FAM83A: variants seen among roughly 807,000 people sequenced by gnomAD.
FAM83A encodes scaffolding CK1 anchoring protein A, also known as protein FAM83A.
A neutral mutation model predicts 24.4 loss-of-function variants in FAM83A; 21 were observed. That is an observed-to-expected ratio of 0.86 (90% confidence interval 0.61 to 1.24). FAM83A has a LOEUF of 1.24. Among genes scored for constraint, FAM83A ranks in the 50% most tolerant of loss-of-function variants. The pLI is 0.00. For synonymous variants in FAM83A, 270 were observed against 252.4 expected (o/e 1.07, Z -0.66); for missense variants, 617 against 579.8 (o/e 1.06, Z -0.66).
intron 1 of FAM83A, among the ~76,000 whole-genome samples, chr8:123,187,460 G>A (rs1013838302): frequency 2.6e-5 from 4 of 152,172 alleles, no homozygotes; most frequent in Non-Finnish European, 5.9e-5. Flanking sequence ...TCAGAGATTT[G>A]CAAAAACGCA....
chr8:123,207,233 G>C lies in FAM83A; in HGVS notation c.850G>C (p.Glu284Gln), dbSNP rs370437311. The C allele has an allele frequency of 3.1e-6, 5 of 1,612,318 alleles. No individual in the cohort carries two copies. Among genetic ancestry groups the C allele is most frequent in the Admixed American group, 1.7e-5 (1 of 59,778 alleles). Residue 284 changes from glutamate to glutamine, a missense_variant, in exon 4 of 4, where the codon GAG (glutamate) becomes CAG (glutamine). Coordinates refer to ENST00000690554, the Ensembl canonical transcript of FAM83A. ...AGGCCAGGCGGTGGAGCTGTTTGAC[G>C]AGGAGTTCCGCCACCTCTACGCCTC...
rs144230066 is a variant in FAM83A, at chr8:123,195,905, A to G, written c.773+1757A>G. Among the ~76,000 whole-genome samples, 602 of 152,350 alleles carry G rather than the reference A, an allele frequency of 4.0e-3. 4 individuals carry two copies. Among genetic ancestry groups the G allele is most frequent in the African/African-American group, 0.014 (576 of 41,576 alleles). ...TTAGGATTTCAAATATGAATCTGGA[A>G]CAGAAACAGACATTCAGTCTACAGC... On this transcript the variant is annotated intron_variant, in intron 3 of 3. Coordinates refer to ENST00000690554, the Ensembl canonical transcript of FAM83A.
At chr8:123,206,884 G>T (rs1348934734) in intron 3 of FAM83A, among the ~76,000 whole-genome samples, 3 of 152,024 alleles carry the variant, frequency 2.0e-5, no homozygotes, top group Non-Finnish European at 4.4e-5. Flanking sequence ...GGATCTTGGG[G>T]CCTGGGCCGG....
intron 3 of FAM83A, among the ~76,000 whole-genome samples, chr8:123,200,586 C>T (rs1203762710): frequency 2.6e-5 from 4 of 151,628 alleles, no homozygotes. Flanking sequence ...GGAGGCTGAG[C>T]GGGGTGGGTC....
At chr8:123,208,866 AG>A in exon 4 of FAM83A, 9 of 956,018 alleles carry the variant, frequency 9.4e-6, no homozygotes, top group Non-Finnish European at 1.1e-5. Flanking sequence ...AATTAGGCTG[AG>A]ACAGGAGAAT....
chr8:123,179,312 C>G, upstream of FAM83A: 1 of 152,160 alleles, frequency 6.6e-6, no homozygotes, highest in East Asian at 1.9e-4. Context: ...ATCATGGGAG[C>G]GGGTTTGTTA....
rs534625803 is a variant in FAM83A, at chr8:123,193,710, G to A, written c.649-314G>A. Among the ~76,000 whole-genome samples the A allele has an allele frequency of 6.6e-5, 10 of 152,326 alleles. No individual in the cohort carries two copies. In the South Asian group the frequency reaches 1.0e-3, roughly 16 times the overall value. The stretch of plus-strand genomic sequence containing the variant: ...AGAGGCTGGGAACTCCAAGATCAAC[G>A]TTCTGGCAGATTCGGCGTCTGGTGA... On this transcript the variant is annotated intron_variant, in intron 2 of 3. Transcript: ENST00000690554.
chr8:123,197,573 T>C (rs1824200180), intron 3 of FAM83A, among the ~76,000 whole-genome samples: 1 of 152,198 alleles, frequency 6.6e-6, no homozygotes, highest in South Asian at 2.1e-4. Flanking sequence ...CACCAATCAA[T>C]AGACATTGGG....
chr8:123,193,959 C>T lies in FAM83A; in HGVS notation c.649-65C>T, dbSNP rs542053129. 6.3e-5 allele frequency: 101 copies of T among 1,596,246 alleles called. 3 individuals are homozygous for T. In the South Asian group the frequency reaches 1.1e-3, roughly 18 times the overall value. Reference sequence around the variant, plus strand: ...GGTAAAGGGAACATAAACATCCAGCCTAAAGCCCAAATGTATCTCTATAAA... The same window carrying T: ...GGTAAAGGGAACATAAACATCCAGCTTAAAGCCCAAATGTATCTCTATAAA... On this transcript the variant is annotated intron_variant, in intron 2 of 3. Transcript: ENST00000690554.
chr8:123,188,260 G>A (rs572893409), intron 1 of FAM83A, among the ~76,000 whole-genome samples: 8 of 151,882 alleles, frequency 5.3e-5, no homozygotes, highest in African/African-American at 1.2e-4. Flanking sequence ...CTCTTCTCTC[G>A]GTGCTTCTTT....
exon 4 of FAM83A, chr8:123,207,899 C>T: frequency 7.6e-7 from 1 of 1,309,124 alleles, no homozygotes; most frequent in South Asian, 2.6e-5. Context: ...ACCTGTGCAG[C>T]ACATTCCAGA....
intron 1 of FAM83A, 24 bp from the exon 2 acceptor site, chr8:123,191,779 A>G (rs1443069478): frequency 6.2e-7 from 1 of 1,611,480 alleles, no homozygotes; most frequent in South Asian, 1.1e-5. Context: ...CTTTCTGGTA[A>G]CTGAGCACTC....
intron 1 of FAM83A, among the ~76,000 whole-genome samples, chr8:123,189,043 C>T (rs1823892143): frequency 6.6e-6 from 1 of 152,176 alleles, no homozygotes; most frequent in Admixed American, 6.5e-5. Flanking sequence ...ACTTACTGAC[C>T]TATCAGGGAG....
chr8:123,183,457 A>G, intron 1 of FAM83A, 121 bp downstream of exon 1: 3 of 1,425,802 alleles, frequency 2.1e-6, no homozygotes, highest in Non-Finnish European at 2.8e-6. Flanking sequence ...GGGGCTTCGG[A>G]TGGAGGGGCT....
intron 3 of FAM83A, among the ~76,000 whole-genome samples, chr8:123,204,096 T>C (rs976631166): frequency 1.3e-5 from 2 of 152,106 alleles, no homozygotes; most frequent in African/African-American, 4.8e-5. Context: ...AGGGACCCTA[T>C]GGCTAGATGT....
At chr8:123,183,262 A>G (rs1370936001) in exon 1 of FAM83A, 2 of 1,613,294 alleles carry the variant, frequency 1.2e-6, no homozygotes, top group Non-Finnish European at 1.7e-6. Flanking sequence ...ATCCAGCGCC[A>G]CTGTGTACTT....
At chr8:123,207,315 G>T (rs1824588525) in exon 4 of FAM83A, 7 of 1,610,808 alleles carry the variant, frequency 4.3e-6, no homozygotes, top group Non-Finnish European at 5.9e-6. Flanking sequence ...GTCCCGCCCG[G>T]AGCAGCCCCG....
chr8:123,187,222 A>G (rs533284301), intron 1 of FAM83A, among the ~76,000 whole-genome samples: 20 of 152,308 alleles, frequency 1.3e-4, no homozygotes, highest in African/African-American at 4.3e-4. Flanking sequence ...GGGTGAAGAC[A>G]GGAATAGAGG....
upstream of FAM83A, chr8:123,179,501 C>T (rs1036544512): frequency 3.3e-5 from 5 of 152,176 alleles, no homozygotes; most frequent in African/African-American, 1.2e-4. Context: ...CCTGTTAGAG[C>T]AGCATAAATG....
Sources: gnomAD v4.1 joint callset for allele counts (sites outside exome capture counted in the v4.1 genomes callset) on GRCh38, gnomAD v4.1.1 for gene constraint, MANE v1.5 for transcripts, NCBI Gene and HGNC (gene_info 2026-07-23, HGNC 2026-07-21) for gene names.